USP42: variants seen among roughly 807,000 people sequenced by gnomAD.
USP42 encodes ubiquitin carboxyl-terminal hydrolase 42.
Under a neutral mutation model 113.0 loss-of-function variants are expected in USP42, and 23 were observed. That is an observed-to-expected ratio of 0.20 (90% confidence interval 0.15 to 0.29). USP42 has a LOEUF of 0.29. Ranked by LOEUF, USP42 falls within the 10% of genes least tolerant of loss-of-function variation. The pLI is 1.00. For synonymous variants in USP42, 933 were observed against 699.0 expected, an observed-to-expected ratio of 1.33 and a Z score of -5.28; for missense variants, 2,174 against 1,779.8, an observed-to-expected ratio of 1.22 and a Z score of -3.99.
chr7:6,127,968 G>C (rs1322122770), intron 3 of USP42, among the ~76,000 whole-genome samples: 1 of 151,860 alleles, frequency 6.6e-6, no homozygotes, highest in African/African-American at 2.4e-5. Flanking sequence ...TGTGACCCAG[G>C]CTTTGTGCAT....
In USP42 at chr7:6,139,079, C is replaced by G; in HGVS notation, c.554-13C>G. ...TGTAATGATAAAGCCTTGTCTTTAC[C>G]GAAATTTTACAGGTATAGCTAGGCA... On this transcript the variant is annotated splice_polypyrimidine_tract_variant and intron_variant, in intron 4 of 17. Transcript: ENST00000306177. The surrounding 1 kb of genome is among the most constrained non-coding windows in gnomAD (Gnocchi z 4.5). 4 of 1,584,904 alleles carry G rather than the reference C, an allele frequency of 2.5e-6. No homozygotes were observed. Among genetic ancestry groups the G allele is most frequent in the Non-Finnish European group, 3.4e-6 (4 of 1,163,446 alleles).
rs904381346 is a variant in USP42, at chr7:6,115,348, A to C, written c.267A>C (p.Pro89=). 10 of 1,613,900 alleles carry C rather than the reference A, an allele frequency of 6.2e-6. No homozygotes were observed. Among genetic ancestry groups the C allele is most frequent in the South Asian group, 1.1e-5 (1 of 91,092 alleles). ...DQALGDGIAP[P]QKVLFPSEKI... The stretch of plus-strand genomic sequence containing the variant: ...CCCTAGGTGATGGCATCGCTCCTCC[A>C]CAGAAAGTTCTTTTCCCATCTGAGA... Residue 89 remains proline, a synonymous_variant, in exon 3 of 18, where the codon CCA becomes CCC. Coordinates refer to ENST00000306177, the MANE Select transcript of USP42 (RefSeq NM_032172.3).
the USP42 span, among the ~76,000 whole-genome samples, chr7:6,082,447 C>T: frequency 6.9e-6 from 1 of 145,408 alleles, no homozygotes; most frequent in Non-Finnish European, 1.5e-5. Flanking sequence ...ATTTATCCAC[C>T]TAAACATATA....
At chr7:6,108,983 G>C (rs990373968) in intron 1 of USP42, among the ~76,000 whole-genome samples, 1 of 152,220 alleles carries the variant, frequency 6.6e-6, no homozygotes, top group Non-Finnish European at 1.5e-5. Flanking sequence ...ATGTGAATAA[G>C]AACATGGTAG....
chr7:6,083,733 T>C, the USP42 span, among the ~76,000 whole-genome samples: 1 of 150,900 alleles, frequency 6.6e-6, no homozygotes, highest in East Asian at 1.9e-4. Flanking sequence ...GGCGTTTATG[T>C]TTTTATTGTC....
the USP42 span, among the ~76,000 whole-genome samples, chr7:6,092,042 TTC>T: frequency 0.011 from 996 of 92,624 alleles, 4 homozygotes; most frequent in Admixed American, 0.017. Context: ...CTTCTTCTTC[TTC>T]TTCTTCTTCT....
At chr7:6,101,860 C>T (rs542919892), upstream of USP42, among the ~76,000 whole-genome samples, 1 of 150,088 alleles carries the variant, frequency 6.7e-6, no homozygotes, top group Admixed American at 6.6e-5. Flanking sequence ...GGGCAGATCA[C>T]TTGAGGCCAG....
chr7:6,149,962 C>T lies in USP42; in HGVS notation c.1766C>T (p.Ser589Phe). ...CCGATCCCCCGCAGTGAATCCTGCT[C>T]CCAGCCCGTGATGAATGGCAAATCC... ...TKPIPRSESC[S>F]QPVMNGKSKL... Residue 589 changes from serine (S) to phenylalanine (F), a missense_variant, in exon 13 of 18, where the codon TCC (serine) becomes TTC (phenylalanine). Ser to Phe is a radical substitution (Grantham distance 155, BLOSUM62 -2). Transcript: ENST00000306177. 6.2e-7 allele frequency: 1 copy of T among 1,613,942 alleles called. No homozygotes were observed. The highest frequency in any genetic ancestry group is 1.3e-5 in the African/African-American group (1 of 75,064).
intron 7 of USP42, among the ~76,000 whole-genome samples, chr7:6,142,217 T>C (rs938732563): frequency 2.1e-5 from 3 of 139,714 alleles, no homozygotes; most frequent in African/African-American, 9.2e-5. Context: ...TTTGTTTCTT[T>C]TTTCTTTTTT....
At chr7:6,103,753 A>C (rs1428004489), upstream of USP42, among the ~76,000 whole-genome samples, 2 of 149,176 alleles carry the variant, frequency 1.3e-5, no homozygotes, top group East Asian at 2.0e-4. Context: ...AAAAAAAAAA[A>C]AACAAAACTT....
Position 6,154,374 on chromosome 7 carries a change from G to C in USP42, c.2820G>C (p.Glu940Asp). Reference sequence around the variant, plus strand: ...CCCCAGGCCCTTCCCCAGCGAAGGAGAAAATCGGCAGCCTCAGAAAGGTGG... The same window carrying C: ...CCCCAGGCCCTTCCCCAGCGAAGGACAAAATCGGCAGCCTCAGAAAGGTGG... ...PKAPGPSPAK[E>D]KIGSLRKVDR... Residue 940 changes from glutamate to aspartate, a missense_variant, in exon 15 of 18, where the codon GAG (glutamate) becomes GAC (aspartate). By Grantham distance (45) the Glu-to-Asp change is conservative. Transcript: ENST00000306177. The C allele has an allele frequency of 6.3e-7, 1 of 1,576,660 alleles. No homozygotes were observed. The highest frequency in any genetic ancestry group is 8.6e-7 in the Non-Finnish European group (1 of 1,162,886).
At chr7:6,082,674 G>A in the USP42 span, among the ~76,000 whole-genome samples, 1 of 124,440 alleles carries the variant, frequency 8.0e-6, no homozygotes, top group South Asian at 2.6e-4. Flanking sequence ...GCAGTGGCAT[G>A]ATCTTGGCTC....
intron 7 of USP42, among the ~76,000 whole-genome samples, chr7:6,141,702 C>T (rs183043633): frequency 4.6e-5 from 7 of 152,008 alleles, no homozygotes; most frequent in East Asian, 1.9e-4. Flanking sequence ...GGGACTACAG[C>T]GACTGTGCCC....
chr7:6,084,978 C>T, the USP42 span, among the ~76,000 whole-genome samples: 2 of 151,150 alleles, frequency 1.3e-5, no homozygotes, highest in African/African-American at 4.9e-5. Flanking sequence ...CTCGGCCTCT[C>T]AGAGTGCTGC....
At chr7:6,109,376 G>T (rs763020968) in intron 1 of USP42, among the ~76,000 whole-genome samples, 3 of 152,138 alleles carry the variant, frequency 2.0e-5, no homozygotes, top group Non-Finnish European at 2.9e-5. Flanking sequence ...CTCCTGAAAG[G>T]TGTTCTTTCT....
At chr7:6,152,226 G>A (rs532678083) in intron 14 of USP42, among the ~76,000 whole-genome samples, 30 of 152,340 alleles carry the variant, frequency 2.0e-4, no homozygotes, top group African/African-American at 6.3e-4. Flanking sequence ...CTCAGAGTGC[G>A]GCCGGATGTC....
In USP42 at chr7:6,159,896, TC is replaced by T. The variant is rs927008947; in HGVS notation, c.*36+406del. On this transcript the variant is annotated intron_variant, in intron 17 of 17. Transcript: ENST00000306177. This position sits in a 1 kb window ranked among gnomAD's most constrained non-coding sequence, Gnocchi z 4.1. ...GAGCGGAGCCTTGCTCCCTCGTCCG[TC>T]CCGTCCCCTGTGCTGCTGTCTGCGC... 1.3e-5 allele frequency among the ~76,000 whole-genome samples: 2 copies of T among 152,180 alleles called. No individual in the cohort carries two copies. Among genetic ancestry groups the T allele is most frequent in the African/African-American group, 4.8e-5 (2 of 41,452 alleles).
the USP42 span, among the ~76,000 whole-genome samples, chr7:6,092,687 T>G: frequency 6.6e-6 from 1 of 151,130 alleles, no homozygotes; most frequent in Non-Finnish European, 1.5e-5. Flanking sequence ...CCCTCTTAAT[T>G]CTAAATTAAT....
chr7:6,114,268 G>C (rs919815907), intron 2 of USP42, among the ~76,000 whole-genome samples: 4 of 152,134 alleles, frequency 2.6e-5, no homozygotes, highest in Non-Finnish European at 4.4e-5. Context: ...TGGTGGCAAT[G>C]AATTAGCATC....
Sources: allele counts gnomAD v4.1 joint callset (sites outside exome capture counted in the v4.1 genomes callset), GRCh38; gene constraint gnomAD v4.1.1; non-coding constraint Gnocchi (gnomAD v3.1); transcripts MANE v1.5; gene names NCBI Gene and HGNC (gene_info 2026-07-23, HGNC 2026-07-21).